Variants in SNX13 observed in about 807,000 individuals in gnomAD.
The protein encoded by SNX13 is sorting nexin-13.
In SNX13, 45 loss-of-function variants were observed where a neutral mutation model predicts 133.6. The observed-to-expected ratio is 0.34, with a 90% CI of 0.27 to 0.43. The LOEUF is 0.43. Among genes scored for constraint, SNX13 ranks in the 20% least tolerant of loss-of-function variants. The pLI is 1.00. For missense variants in SNX13, 1,032 were observed against 1,145.1 expected, an observed-to-expected ratio of 0.90 and a Z score of 1.43; for synonymous variants, 414 against 373.9, an observed-to-expected ratio of 1.11 and a Z score of -1.24.
rs764696521 is a variant in SNX13, at chr7:17,839,866, T to C, written c.1300A>G (p.Thr434Ala). ...GCAGCTGCTCTTAAAAGACCTTTGG[T>C]TTGGTTGGTTTGATGTTTTCCATCT... is the stretch of plus-strand genomic sequence containing the variant. ...QRDGKHQTNQ[T>A]KGLLRAAAVG... is the part of the protein sequence containing the mutation. Residue 434 changes from threonine to alanine, a missense_variant, in exon 13 of 26, where the codon ACC (threonine) becomes GCC (alanine). Thr to Ala is a moderately conservative substitution (Grantham distance 58, BLOSUM62 0). Transcript: ENST00000428135. 6.2e-7 allele frequency: 1 copy of C among 1,611,606 alleles called. No homozygotes were observed. Among genetic ancestry groups the C allele is most frequent in the Non-Finnish European group, 8.5e-7 (1 of 1,178,488 alleles).
intron 1 of SNX13, among the ~76,000 whole-genome samples, chr7:17,902,975 G>C (rs550990597): frequency 6.6e-6 from 1 of 152,038 alleles, no homozygotes; most frequent in Non-Finnish European, 1.5e-5. Context: ...GTTTCATCTT[G>C]AAACCATCCC....
chr7:17,801,125 T>C (rs1166917369), intron 22 of SNX13, among the ~76,000 whole-genome samples: 1 of 149,214 alleles, frequency 6.7e-6, no homozygotes, highest in Non-Finnish European at 1.5e-5. Flanking sequence ...CATGTACGAA[T>C]GTTCATAGAA....
intron 16 of SNX13, among the ~76,000 whole-genome samples, chr7:17,828,529 T>C (rs996192369): frequency 1.3e-5 from 2 of 151,680 alleles, no homozygotes; most frequent in Middle Eastern, 3.2e-3. Flanking sequence ...ACACATTAAA[T>C]ATCTCCTTTG....
intron 20 of SNX13, among the ~76,000 whole-genome samples, chr7:17,806,241 A>C (rs1038312701): frequency 1.3e-5 from 2 of 152,210 alleles, no homozygotes; most frequent in East Asian, 3.9e-4. Context: ...ATAGAAAGAT[A>C]CTGTGTACAA....
At chr7:17,912,232 CAG>C (rs1343097780) in intron 1 of SNX13, among the ~76,000 whole-genome samples, 1 of 151,900 alleles carries the variant, frequency 6.6e-6, no homozygotes, top group East Asian at 1.9e-4. Flanking sequence ...ATGAAAGGGA[CAG>C]TCAGTATCCC....
chr7:17,819,089 A>C (rs1489310950), intron 18 of SNX13, among the ~76,000 whole-genome samples: 2 of 152,232 alleles, frequency 1.3e-5, no homozygotes, highest in Non-Finnish European at 2.9e-5. Context: ...ATATTTGTTA[A>C]ATCAATGAAT....
At chr7:17,870,445 C>T (rs753409443) in intron 8 of SNX13, among the ~76,000 whole-genome samples, 2 of 152,160 alleles carry the variant, frequency 1.3e-5, no homozygotes, top group Non-Finnish European at 2.9e-5. Context: ...GCATGGTCTG[C>T]AATTATCCTC....
chr7:17,879,437 C>T (rs1795094530), intron 5 of SNX13: 1 of 152,240 alleles, frequency 6.6e-6, no homozygotes, highest in African/African-American at 2.4e-5. Context: ...TTATTAGAGG[C>T]ACTCAATGCA....
chr7:17,791,602 T>G lies in SNX13; in HGVS notation c.*2443A>C, dbSNP rs1366465427. On this transcript the variant is annotated 3_prime_UTR_variant, in exon 26 of 26. Coordinates refer to ENST00000428135, the MANE Select transcript of SNX13 (RefSeq NM_015132.5). ...TCAGAAAACACAAAGAATGATTAAT[T>G]TCGAAAGTTCTTGCCTAAAGGCACC... is the stretch of plus-strand genomic sequence containing the variant. 1 of 152,044 alleles carries G rather than the reference T, an allele frequency of 6.6e-6. No homozygotes were observed. Among genetic ancestry groups the G allele is most frequent in the East Asian group, 1.9e-4 (1 of 5,196 alleles). The allele number at this position is 152,044 out of a possible 1,614,324, so 9.4% of individuals were successfully genotyped here.
intron 1 of SNX13, among the ~76,000 whole-genome samples, chr7:17,915,840 C>G (rs1190631256): frequency 6.6e-6 from 1 of 152,212 alleles, no homozygotes; most frequent in Non-Finnish European, 1.5e-5. Flanking sequence ...AACCCAATGA[C>G]TGCAGAGTAC....
chr7:17,904,088 AG>A (rs1301000301), intron 1 of SNX13, among the ~76,000 whole-genome samples: 2 of 152,224 alleles, frequency 1.3e-5, no homozygotes, highest in East Asian at 3.8e-4. Context: ...GACCAAAGAA[AG>A]GAAGTAGAAA....
chr7:17,901,543 C>T (rs1184443452), intron 1 of SNX13, among the ~76,000 whole-genome samples: 1 of 152,166 alleles, frequency 6.6e-6, no homozygotes, highest in Non-Finnish European at 1.5e-5. Context: ...TCCATAGGCT[C>T]TGGCTGGGTT....
intron 1 of SNX13, among the ~76,000 whole-genome samples, chr7:17,920,217 C>T (rs1799983700): frequency 6.6e-6 from 1 of 152,106 alleles, no homozygotes; most frequent in Admixed American, 6.6e-5. Flanking sequence ...AGTAAAAGCA[C>T]ATGGGTTTTA....
At chr7:17,806,073 T>G (rs1272227542) in intron 20 of SNX13, among the ~76,000 whole-genome samples, 1 of 152,200 alleles carries the variant, frequency 6.6e-6, no homozygotes, top group Non-Finnish European at 1.5e-5. Flanking sequence ...GCCAGCTAAG[T>G]GTACACTTAG....
At chr7:17,799,286 G>T in intron 22 of SNX13, 132 bp from the exon 23 acceptor site, 1 of 707,790 alleles carries the variant, frequency 1.4e-6, no homozygotes, top group Non-Finnish European at 2.1e-6. Flanking sequence ...TTTGTAACTT[G>T]ACATTAAATT....
chr7:17,931,862 T>C (rs942421413), intron 1 of SNX13, among the ~76,000 whole-genome samples: 8 of 152,214 alleles, frequency 5.3e-5, no homozygotes, highest in Non-Finnish European at 1.0e-4. Context: ...CTGGTATATA[T>C]TATTTCTGAA....
At chr7:17,849,945 G>A (rs139425491) in intron 11 of SNX13, among the ~76,000 whole-genome samples, 2 of 152,186 alleles carry the variant, frequency 1.3e-5, no homozygotes, top group East Asian at 1.9e-4. Context: ...GATATTACGC[G>A]TCAATTTGCT....
intron 9 of SNX13, among the ~76,000 whole-genome samples, chr7:17,853,641 G>A (rs1791512386): frequency 6.6e-6 from 1 of 152,172 alleles, no homozygotes; most frequent in Non-Finnish European, 1.5e-5. Context: ...CAGATAATTT[G>A]TCACAAGAAA....
chr7:17,920,518 C>T (rs892496229), intron 1 of SNX13, among the ~76,000 whole-genome samples: 2 of 152,098 alleles, frequency 1.3e-5, no homozygotes, highest in East Asian at 1.9e-4. Flanking sequence ...ACTCTGTGGG[C>T]GGTGATGTCT....
Sources: allele counts gnomAD v4.1 joint callset (sites outside exome capture counted in the v4.1 genomes callset), GRCh38; gene constraint gnomAD v4.1.1; transcripts MANE v1.5; gene names NCBI Gene and HGNC (gene_info 2026-07-23, HGNC 2026-07-21).